GSK3B: variants seen among roughly 807,000 people sequenced by gnomAD.
GSK3B encodes glycogen synthase kinase 3 beta.
Under a neutral mutation model 56.4 loss-of-function variants are expected in GSK3B, and 15 were observed. The observed-to-expected ratio is 0.27, with a 90% confidence interval of 0.18 to 0.41. The LOEUF (loss-of-function observed/expected upper bound fraction) is 0.41, where lower values mean the gene tolerates loss of function less well. GSK3B is among the 10% of genes least tolerant of loss of function. The pLI is 1.00. For missense variants in GSK3B, 300 were observed against 513.4 expected (o/e 0.58, Z 4.02); for synonymous variants, 181 against 188.9 (o/e 0.96, Z 0.34).
At chr3:119,876,753 C>T (rs2056319201) in intron 7 of GSK3B, among the ~76,000 whole-genome samples, 1 of 152,120 alleles carries the variant, frequency 6.6e-6, no homozygotes, top group Non-Finnish European at 1.5e-5. Context: ...TGGCTCTGCC[C>T]TTGTGAATGG....
chr3:120,087,339 T>C (rs984573282), intron 1 of GSK3B, among the ~76,000 whole-genome samples: 10 of 152,210 alleles, frequency 6.6e-5, no homozygotes, highest in East Asian at 3.8e-4. Flanking sequence ...GAGACCAGCC[T>C]GGCCAACACA....
At chr3:119,955,254 A>C (rs1330983516) in intron 2 of GSK3B, among the ~76,000 whole-genome samples, 1 of 151,820 alleles carries the variant, frequency 6.6e-6, no homozygotes, top group Non-Finnish European at 1.5e-5. Flanking sequence ...AAAAAACACA[A>C]AAAAACTTAA....
rs540449216 is a variant in GSK3B, at chr3:119,967,784, TTCTC to T, written c.283-20437_283-20434del. Among the ~76,000 whole-genome samples, 24 of 148,742 alleles carry T rather than the reference TTCTC, an allele frequency of 1.6e-4. No individual in the cohort carries two copies. In the South Asian group the frequency reaches 4.9e-3, roughly 31 times the overall value. ...TCCTTTTCTTTTCTTTCTCTTTCTT[TTCTC>T]TCTCTCTCTCTCCCTCTCTCCCTCC... On this transcript the variant is annotated intron_variant, in intron 2 of 10. Transcript: ENST00000264235.
rs188272279 is a variant in GSK3B, at chr3:119,980,872, C to T, written c.282+21174G>A. ...AGAATCTTATATGGTAAATTCTTGT[C>T]CTAAGTTAACTGGTTGTTTAAAGAA... On this transcript the variant is annotated intron_variant, in intron 2 of 10. Coordinates refer to ENST00000264235, the MANE Select transcript of GSK3B (RefSeq NM_001146156.2). Among the ~76,000 whole-genome samples, 23 of 152,172 alleles carry T rather than the reference C, an allele frequency of 1.5e-4. No individual in the cohort carries two copies. The East Asian group carries it at 4.1e-3, about 27-fold the overall frequency.
intron 10 of GSK3B, among the ~76,000 whole-genome samples, chr3:119,829,572 G>A (rs2055567281): frequency 6.6e-6 from 1 of 152,168 alleles, no homozygotes; most frequent in African/African-American, 2.4e-5. Context: ...TCATCTACAT[G>A]GCCACCAGCC....
At chr3:120,081,219 T>C (rs2058416668) in intron 1 of GSK3B, among the ~76,000 whole-genome samples, 1 of 151,572 alleles carries the variant, frequency 6.6e-6, no homozygotes, top group Non-Finnish European at 1.5e-5. Context: ...ACTCTATGTC[T>C]CTTTCCTTTC....
chr3:120,027,056 G>A (rs749882715), intron 1 of GSK3B, among the ~76,000 whole-genome samples: 42 of 144,210 alleles, frequency 2.9e-4, no homozygotes, highest in Non-Finnish European at 5.6e-4. Flanking sequence ...GAGCCACAGG[G>A]CAAGACTTCC....
At chr3:120,034,916 AC>A (rs1375502988) in intron 1 of GSK3B, among the ~76,000 whole-genome samples, 1 of 151,926 alleles carries the variant, frequency 6.6e-6, no homozygotes, top group East Asian at 1.9e-4. Context: ...ACATGGCAAA[AC>A]CTCACCTCTA....
chr3:119,864,331 A>G (rs1416840364), intron 8 of GSK3B, among the ~76,000 whole-genome samples: 1 of 152,232 alleles, frequency 6.6e-6, no homozygotes, highest in Non-Finnish European at 1.5e-5. Context: ...GAAAAATTCA[A>G]TTAAATTAAT....
intron 2 of GSK3B, among the ~76,000 whole-genome samples, chr3:119,990,978 T>C (rs187189654): frequency 1.3e-5 from 2 of 152,272 alleles, no homozygotes; most frequent in East Asian, 3.9e-4. Flanking sequence ...TGCTCTCCAT[T>C]CACAACCTAA....
Position 119,824,056 on chromosome 3 carries a change from T to A in GSK3B, c.*2732A>T, listed in dbSNP as rs1352062416. ...ACTATATGGCTTTAAAAAGCTCGTC[T>A]ACATTTTGTCTGATTATTAAACAGA... On this transcript the variant is annotated 3_prime_UTR_variant, in exon 11 of 11. Coordinates refer to ENST00000264235, the MANE Select transcript of GSK3B (RefSeq NM_001146156.2). The A allele has an allele frequency of 2.0e-5, 4 of 203,098 alleles. No individual in the cohort carries two copies. Among genetic ancestry groups the A allele is most frequent in the Non-Finnish European group, 4.0e-5 (4 of 98,928 alleles). The allele number at this position is 203,098 out of a possible 1,614,324, so 12.6% of individuals were successfully genotyped here.
chr3:119,901,185 G>A (rs997946055), intron 7 of GSK3B, among the ~76,000 whole-genome samples: 3 of 152,012 alleles, frequency 2.0e-5, no homozygotes, highest in Admixed American at 6.6e-5. Context: ...CATGTATCTG[G>A]AACTATATCA....
chr3:119,868,479 G>A (rs1295953501), intron 8 of GSK3B, among the ~76,000 whole-genome samples: 5 of 152,132 alleles, frequency 3.3e-5, no homozygotes, highest in Non-Finnish European at 7.3e-5. Flanking sequence ...TTTCAACCTG[G>A]AGCTAAGTGT....
chr3:120,024,144 AAT>A (rs10578848), intron 1 of GSK3B, among the ~76,000 whole-genome samples: 36,586 of 151,868 alleles, frequency 0.24, 4,832 homozygotes, highest in East Asian at 0.48. Context: ...CAGCCTGGGC[AAT>A]ATAGTGAGAT....
At chr3:120,076,419 A>G (rs1185251082) in intron 1 of GSK3B, among the ~76,000 whole-genome samples, 1 of 152,210 alleles carries the variant, frequency 6.6e-6, no homozygotes, top group Admixed American at 6.5e-5. Flanking sequence ...CAACCTACAG[A>G]CTGGGAAAAC....
chr3:120,006,003 C>T (rs970413650), intron 1 of GSK3B, among the ~76,000 whole-genome samples: 1 of 152,046 alleles, frequency 6.6e-6, no homozygotes, highest in Non-Finnish European at 1.5e-5. Context: ...AGACTCAAGA[C>T]CCATCAATGT....
chr3:120,064,415 C>T (rs985804603), intron 1 of GSK3B, among the ~76,000 whole-genome samples: 11 of 151,708 alleles, frequency 7.3e-5, no homozygotes, highest in African/African-American at 2.7e-4. Context: ...CAAGTTATAG[C>T]AGTATCCAAA....
intron 2 of GSK3B, among the ~76,000 whole-genome samples, chr3:119,956,093 G>A (rs1235227044): frequency 6.6e-6 from 1 of 152,230 alleles, no homozygotes; most frequent in Non-Finnish European, 1.5e-5. Flanking sequence ...GTCTACAATA[G>A]TAGTGATCAC....
At chr3:119,842,108 T>C (rs1216978069) in intron 10 of GSK3B, among the ~76,000 whole-genome samples, 1 of 152,222 alleles carries the variant, frequency 6.6e-6, no homozygotes, top group Non-Finnish European at 1.5e-5. Context: ...TGCCAAATTC[T>C]GAGCCCTTAA....
Sources: gnomAD v4.1 joint callset for allele counts (sites outside exome capture counted in the v4.1 genomes callset) on GRCh38, gnomAD v4.1.1 for gene constraint, MANE v1.5 for transcripts, NCBI Gene and HGNC (gene_info 2026-07-23, HGNC 2026-07-21) for gene names.